Variants in LRRC4C observed in about 807,000 individuals in gnomAD.
LRRC4C encodes the protein leucine rich repeat containing 4C.
A neutral mutation model predicts 33.6 loss-of-function variants in LRRC4C; 5 were observed. That is an observed-to-expected ratio of 0.15 (90% confidence interval 0.08 to 0.31). The LOEUF is 0.31. LRRC4C is among the 10% of genes least tolerant of loss of function. The pLI is 1.00. For synonymous variants in LRRC4C, 329 were observed against 302.0 expected, an observed-to-expected ratio of 1.09 and a Z score of -0.93; for missense variants, 560 against 796.7, an observed-to-expected ratio of 0.70 and a Z score of 3.58.
At chr11:41,180,606 C>T (rs749871610) in intron 1 of LRRC4C, among the ~76,000 whole-genome samples, 2 of 152,126 alleles carry the variant, frequency 1.3e-5, no homozygotes, top group African/African-American at 4.8e-5. Flanking sequence ...CGCACATGCA[C>T]GTGCATGACT....
intron 3 of LRRC4C, among the ~76,000 whole-genome samples, chr11:40,469,778 G>T (rs965977269): frequency 5.3e-5 from 8 of 152,174 alleles, no homozygotes; most frequent in African/African-American, 1.9e-4. Flanking sequence ...AGTTTGAACT[G>T]GGTGGAGCCC....
chr11:40,854,612 C>A (rs898183965), intron 2 of LRRC4C, among the ~76,000 whole-genome samples: 17 of 151,302 alleles, frequency 1.1e-4, no homozygotes, highest in African/African-American at 4.1e-4. Flanking sequence ...CATACAATGC[C>A]TTTTTTTTCT....
At chr11:40,529,100 T>C (rs1297403210) in intron 3 of LRRC4C, among the ~76,000 whole-genome samples, 1 of 152,138 alleles carries the variant, frequency 6.6e-6, no homozygotes, top group Admixed American at 6.6e-5. Context: ...TTTTACACTG[T>C]TGACTGTCAG....
rs539668612 is a variant in LRRC4C, at chr11:41,004,843, C to G, written c.-495-71120G>C. Among the ~76,000 whole-genome samples, 48 of 152,232 alleles carry G rather than the reference C, an allele frequency of 3.2e-4. No homozygotes were observed. In the South Asian group the frequency reaches 3.5e-3, roughly 11 times the overall value. ...AATTTTGAAGCCCCGGAGGTATACA[C>G]TACCAATGGCTCTTATTAAAATCAC... On this transcript the variant is annotated intron_variant, in intron 1 of 6. Coordinates refer to ENST00000528697, the MANE Select transcript of LRRC4C (RefSeq NM_001258419.2).
chr11:40,173,129 G>A (rs771422230), intron 5 of LRRC4C, among the ~76,000 whole-genome samples: 23 of 152,132 alleles, frequency 1.5e-4, no homozygotes, highest in Admixed American at 3.3e-4. Context: ...GAGAGTACAC[G>A]GCTCTGATGG....
intron 1 of LRRC4C, among the ~76,000 whole-genome samples, chr11:41,328,877 C>T (rs1951206590): frequency 6.6e-6 from 1 of 152,120 alleles, no homozygotes; most frequent in African/African-American, 2.4e-5. Context: ...GACATTTTAT[C>T]CTCATTTTAA....
chr11:41,389,684 T>G (rs1037516794), intron 1 of LRRC4C, among the ~76,000 whole-genome samples: 13 of 142,940 alleles, frequency 9.1e-5, no homozygotes, highest in Non-Finnish European at 1.7e-4. Flanking sequence ...AAAGAGGTGC[T>G]TCTACTTGCA....
intron 2 of LRRC4C, among the ~76,000 whole-genome samples, chr11:40,736,595 T>C (rs917679087): frequency 1.4e-4 from 22 of 152,190 alleles, no homozygotes; most frequent in African/African-American, 5.3e-4. Flanking sequence ...CCACACCATC[T>C]TCCACAATGG....
intron 3 of LRRC4C, among the ~76,000 whole-genome samples, chr11:40,633,367 TTCTTTCTCTC>T (rs1477707974): frequency 1.8e-4 from 3 of 16,450 alleles, no homozygotes; most frequent in Admixed American, 8.3e-4. Context: ...CTTTCTTTCT[TTCTTTCTCTC>T]TCTTTCTTTC....
At chr11:40,344,056 A>T (rs1454792015) in intron 3 of LRRC4C, among the ~76,000 whole-genome samples, 1 of 152,114 alleles carries the variant, frequency 6.6e-6, no homozygotes, top group East Asian at 1.9e-4. Context: ...TTTACAGCCA[A>T]ATTCTACTAG....
At chr11:40,475,073 A>T (rs1034541668) in intron 3 of LRRC4C, among the ~76,000 whole-genome samples, 1 of 152,172 alleles carries the variant, frequency 6.6e-6, no homozygotes, top group Non-Finnish European at 1.5e-5. Flanking sequence ...AACCAGAAAT[A>T]CCATTTGATC....
intron 1 of LRRC4C, among the ~76,000 whole-genome samples, chr11:40,976,579 C>G (rs1344529914): frequency 6.6e-6 from 1 of 152,084 alleles, no homozygotes; most frequent in Admixed American, 6.6e-5. Context: ...CTAGTGAGAC[C>G]AAAAATACTT....
rs1401078027 is a variant in LRRC4C, at chr11:41,243,680, C to G, written c.-496+215751G>C. 2.0e-5 allele frequency among the ~76,000 whole-genome samples: 3 copies of G among 152,238 alleles called. No individual in the cohort carries two copies. In the East Asian group the frequency reaches 5.8e-4, roughly 29 times the overall value. On this transcript the variant is annotated intron_variant, in intron 1 of 6. Transcript: ENST00000528697. ...AATGTGATGACTGAAGTTCTAGCAA[C>G]CAACTTGGCTAACAAGGATTAGAAG...
At chr11:40,709,301 C>G (rs1303460755) in intron 2 of LRRC4C, among the ~76,000 whole-genome samples, 1 of 152,024 alleles carries the variant, frequency 6.6e-6, no homozygotes, top group Non-Finnish European at 1.5e-5. Context: ...TCCTAGCATC[C>G]ATGGTCTTTA....
intron 1 of LRRC4C, among the ~76,000 whole-genome samples, chr11:41,433,750 T>G (rs1266364121): frequency 6.6e-6 from 1 of 152,090 alleles, no homozygotes; most frequent in Non-Finnish European, 1.5e-5. Context: ...CGGCCTATTG[T>G]GGGACCTTGT....
chr11:40,912,751 C>T (rs1018219179), intron 2 of LRRC4C, among the ~76,000 whole-genome samples: 40 of 152,016 alleles, frequency 2.6e-4, no homozygotes, highest in African/African-American at 5.1e-4. Flanking sequence ...CACAGACTGG[C>T]AAATTGGATA....
chr11:40,565,704 T>C (rs991452106), intron 3 of LRRC4C, among the ~76,000 whole-genome samples: 1 of 152,108 alleles, frequency 6.6e-6, no homozygotes, highest in Admixed American at 6.6e-5. Flanking sequence ...TAATAATTTT[T>C]TTCTGAATCT....
At chr11:40,635,793 T>C (rs1031850887) in intron 3 of LRRC4C, among the ~76,000 whole-genome samples, 1 of 151,534 alleles carries the variant, frequency 6.6e-6, no homozygotes, top group Non-Finnish European at 1.5e-5. Context: ...CCCGCCACCA[T>C]GCCCGGCTAA....
chr11:40,867,827 G>A (rs1178561327), intron 2 of LRRC4C, among the ~76,000 whole-genome samples: 1 of 152,158 alleles, frequency 6.6e-6, no homozygotes, highest in Non-Finnish European at 1.5e-5. Context: ...TCCATGACAA[G>A]TGCACCTGAT....
Sources: allele counts gnomAD v4.1 joint callset (sites outside exome capture counted in the v4.1 genomes callset), GRCh38; gene constraint gnomAD v4.1.1; transcripts MANE v1.5; gene names NCBI Gene and HGNC (gene_info 2026-07-23, HGNC 2026-07-21).